The following SCUBE1 variants were observed in gnomAD, a reference collection of about 807,000 sequenced individuals.
SCUBE1 encodes the protein signal peptide, CUB domain and EGF like domain containing 1, also known as signal peptide, CUB and EGF-like domain-containing protein 1.
Under a neutral mutation model 124.4 loss-of-function variants are expected in SCUBE1, and 59 were observed. That is an observed-to-expected ratio of 0.47 (90% CI 0.38 to 0.59). SCUBE1 has a LOEUF of 0.59. Ranked by LOEUF, SCUBE1 falls within the 20% of genes least tolerant of loss-of-function variation. The probability of loss-of-function intolerance (pLI) is 0.00; values close to 1 mark genes in which losing one functional copy is unlikely to be tolerated. For missense variants in SCUBE1, 1,150 were observed against 1,371.2 expected, an observed-to-expected ratio of 0.84 and a Z score of 2.55; for synonymous variants, 545 against 550.9, an observed-to-expected ratio of 0.99 and a Z score of 0.15.
intron 4 of SCUBE1, among the ~76,000 whole-genome samples, chr22:43,281,435 TTGGCCACC>T (rs1569010538): frequency 4.8e-4 from 41 of 85,730 alleles, no homozygotes; most frequent in Non-Finnish European, 9.6e-5. Flanking sequence ...GTCACCTCCC[TTGGCCACC>T]CTCCTGTCAT....
intron 2 of SCUBE1, among the ~76,000 whole-genome samples, chr22:43,328,532 T>C (rs1470173709): frequency 6.6e-6 from 1 of 152,164 alleles, no homozygotes; most frequent in Non-Finnish European, 1.5e-5. Flanking sequence ...GGCCGGCCCT[T>C]AGAATTGGTA....
Position 43,220,548 on chromosome 22 carries a change from G to A in SCUBE1, c.1589C>T (p.Ser530Phe), listed in dbSNP as rs1284001343. ...GCGGCCACGGCGCCTCTTCTTGGAG[G>A]AGTCACACTTGAGGGTCACGAAAGT... ...HVTFVTLKCD[S>F]SKKRRRGRKS... Residue 530 changes from serine (S) to phenylalanine (F), a missense_variant, in exon 14 of 22, where the codon TCC becomes TTC. Around this residue, in one of 3 missense-constraint regions of SCUBE1, gnomAD observed 757 missense variants for 840.9 expected, o/e 0.90. Coordinates refer to ENST00000360835, the MANE Select transcript of SCUBE1 (RefSeq NM_173050.5). 1 of 1,614,098 alleles carries A rather than the reference G, an allele frequency of 6.2e-7. No individual in the cohort carries two copies. The highest frequency in any genetic ancestry group is 8.5e-7 in the Non-Finnish European group (1 of 1,180,020).
At chr22:43,226,294 A>C (rs1033583472) in intron 10 of SCUBE1, among the ~76,000 whole-genome samples, 3 of 152,092 alleles carry the variant, frequency 2.0e-5, no homozygotes, top group African/African-American at 7.2e-5. Flanking sequence ...GTGTGATGGG[A>C]GGGAAAGCAA....
At chr22:43,337,679 T>C (rs1387996028) in intron 2 of SCUBE1, among the ~76,000 whole-genome samples, 1 of 152,224 alleles carries the variant, frequency 6.6e-6, no homozygotes. Flanking sequence ...TCCAGGGCGA[T>C]GTCATCTGCC....
At position 43,234,840 on chromosome 22, in the gene SCUBE1, C is replaced by A. The variant is rs1922693996; in HGVS notation, c.845-2965G>T. ...TGCAGAGGCTCCCAGAGCTTCCCTT[C>A]CAGCCCGGCCAGGCTGCTTTGCCTC... On this transcript the variant is annotated intron_variant, in intron 7 of 21. Coordinates refer to ENST00000360835, the MANE Select transcript of SCUBE1 (RefSeq NM_173050.5). The surrounding 1 kb of genome is among the most constrained non-coding windows in gnomAD (Gnocchi z 4.4). Among the ~76,000 whole-genome samples, 1 of 152,204 alleles carries A rather than the reference C, an allele frequency of 6.6e-6. No homozygotes were observed. Among genetic ancestry groups the A allele is most frequent in the African/African-American group, 2.4e-5 (1 of 41,448 alleles).
chr22:43,267,091 C>T (rs1358214636), intron 4 of SCUBE1, among the ~76,000 whole-genome samples: 13 of 152,234 alleles, frequency 8.5e-5, no homozygotes, highest in Non-Finnish European at 1.5e-5. Context: ...GCTGCTACGA[C>T]AGCACTCCTA....
At chr22:43,206,338 T>G (rs571229304) in intron 21 of SCUBE1, among the ~76,000 whole-genome samples, 65 of 144,884 alleles carry the variant, frequency 4.5e-4, no homozygotes, top group African/African-American at 1.6e-3. Flanking sequence ...ACTGAACACC[T>G]CCAAACTCAC....
chr22:43,306,687 C>A (rs1359675639), intron 3 of SCUBE1, among the ~76,000 whole-genome samples: 1 of 152,184 alleles, frequency 6.6e-6, no homozygotes, highest in Non-Finnish European at 1.5e-5. Flanking sequence ...TTCACGTACA[C>A]CCTTCTCTGT....
chr22:43,287,893 G>T (rs1265510993), intron 4 of SCUBE1, among the ~76,000 whole-genome samples: 1 of 152,196 alleles, frequency 6.6e-6, no homozygotes, highest in Non-Finnish European at 1.5e-5. Context: ...GGCTCAGAGA[G>T]GTAGACAACC....
rs770175683 is a variant in SCUBE1 at position 43,238,725 on chromosome 22, C to T, written c.844+113G>A. 4 of 861,796 alleles carry T rather than the reference C, an allele frequency of 4.6e-6. No individual in the cohort carries two copies. The South Asian group carries it at 5.3e-5, about 11-fold the overall frequency. The allele number at this position is 861,796 out of a possible 1,614,324, so 53.4% of individuals were successfully genotyped here. ...AATGATTGCCACGTGTCCTTTCCCA[C>T]AGCTACACGTGGCCCCCGTTCAGCC... On this transcript the variant is annotated intron_variant, in intron 7 of 21. Coordinates refer to ENST00000360835, the MANE Select transcript of SCUBE1 (RefSeq NM_173050.5).
intron 4 of SCUBE1, among the ~76,000 whole-genome samples, chr22:43,290,225 A>G (rs1270736256): frequency 2.0e-5 from 3 of 151,924 alleles, no homozygotes; most frequent in African/African-American, 7.3e-5. Flanking sequence ...CTCCAAGCAC[A>G]TGTGTCCTGG....
rs762693711 is a variant in SCUBE1, at chr22:43,208,108, C to T, written c.2698G>A (p.Gly900Ser). 2.7e-5 allele frequency: 43 copies of T among 1,614,014 alleles called. No individual in the cohort carries two copies. Among genetic ancestry groups the T allele is most frequent in the Non-Finnish European group, 3.3e-5 (39 of 1,180,030 alleles). ...IQFKSNEGNS[G>S]KGFQVPYVTY... Reference sequence around the variant, plus strand: ...ACATAGGGCACTTGGAAGCCTTTGCCGCTGTTGCCTTCATTGGATTTGAAC... The same window carrying T: ...ACATAGGGCACTTGGAAGCCTTTGCTGCTGTTGCCTTCATTGGATTTGAAC... Residue 900 changes from glycine (G) to serine (S), a missense_variant, in exon 20 of 22, where the codon GGC (glycine) becomes AGC (serine). Gly to Ser is a moderately conservative substitution (Grantham distance 56, BLOSUM62 0). This residue lies in a region of SCUBE1 where 757 missense variants were observed against 840.9 expected (regional missense o/e 0.90). Transcript: ENST00000360835.
chr22:43,230,116 T>G (rs1288792849), intron 8 of SCUBE1, among the ~76,000 whole-genome samples: 1 of 152,190 alleles, frequency 6.6e-6, no homozygotes, highest in African/African-American at 2.4e-5. Flanking sequence ...CTCCGGGTAC[T>G]TGCGGCACCT....
chr22:43,295,929 G>A (rs1925538730), intron 3 of SCUBE1, among the ~76,000 whole-genome samples: 2 of 152,230 alleles, frequency 1.3e-5, no homozygotes, highest in African/African-American at 4.8e-5. Flanking sequence ...TGTGACCTGA[G>A]CCTGGGGATC....
chr22:43,207,466 G>A, intron 21 of SCUBE1, 68 bp downstream of exon 21: 2 of 1,238,316 alleles, frequency 1.6e-6, no homozygotes, highest in Non-Finnish European at 2.4e-6. Context: ...CTGGGGCAGG[G>A]GCGGTCCTGG....
Position 43,199,069 on chromosome 22 carries a change from G to A in SCUBE1, c.*4928C>T. 2.9e-6 allele frequency: 1 copy of A among 346,592 alleles called. No homozygotes were observed. The highest frequency in any genetic ancestry group is 2.2e-5 in the South Asian group (1 of 45,174). 21.5% of individuals were successfully genotyped at this position (346,592 alleles called of 1,614,324 possible). Reference sequence around the variant, plus strand: ...CAATGTGTCTGTTTGTCTGTCTGCTGTCCGGGGCAGTTTGTTTGTCTGTCT... The same window carrying A: ...CAATGTGTCTGTTTGTCTGTCTGCTATCCGGGGCAGTTTGTTTGTCTGTCT... On this transcript the variant is annotated 3_prime_UTR_variant, in exon 22 of 22. Transcript: ENST00000360835.
chr22:43,336,902 T>C (rs1927099782), intron 2 of SCUBE1, among the ~76,000 whole-genome samples: 1 of 152,014 alleles, frequency 6.6e-6, no homozygotes, highest in Non-Finnish European at 1.5e-5. Flanking sequence ...GAGCTGGGGC[T>C]CACAAACATA....
At chr22:43,262,395 C>T (rs1051789706) in intron 5 of SCUBE1, among the ~76,000 whole-genome samples, 4 of 152,350 alleles carry the variant, frequency 2.6e-5, no homozygotes, top group Admixed American at 6.5e-5. Flanking sequence ...CCAGGCCCAT[C>T]GAGAAACCTG....
At chr22:43,343,132 G>T in intron 1 of SCUBE1, 42 bp downstream of exon 1, 1 of 1,027,390 alleles carries the variant, frequency 9.7e-7, no homozygotes, top group Non-Finnish European at 1.2e-6. Flanking sequence ...GGCCGCCCGA[G>T]CCCCCCGCGC....
Sources: gnomAD v4.1 joint callset for allele counts (sites outside exome capture counted in the v4.1 genomes callset) on GRCh38, gnomAD v4.1.1 for gene constraint, gnomAD v4.1.1 regional missense constraint, Gnocchi (gnomAD v3.1) non-coding constraint, MANE v1.5 for transcripts, NCBI Gene and HGNC (gene_info 2026-07-23, HGNC 2026-07-21) for gene names.